Variants in CLMP observed in about 807,000 individuals in gnomAD.
The protein encoded by CLMP is CXADR-like membrane protein.
CLMP carries 27 observed loss-of-function variants against 45.2 expected under a neutral mutation model. The ratio of observed to expected loss-of-function variants is 0.60; its 90% CI spans 0.44 to 0.82. The LOEUF is 0.82. Among genes scored for constraint, CLMP ranks in the 40% least tolerant of loss-of-function variants. The pLI, the probability that CLMP is intolerant of heterozygous loss-of-function variation, is 0.00. For synonymous variants in CLMP, 167 were observed against 171.4 expected (o/e 0.97, Z 0.20); for missense variants, 403 against 448.4 (o/e 0.90, Z 0.91).
intron 1 of CLMP, among the ~76,000 whole-genome samples, chr11:123,155,947 C>A (rs74738208): frequency 0.011 from 1,610 of 152,272 alleles, 21 homozygotes; most frequent in African/African-American, 0.037. Context: ...TGCCAACAAC[C>A]AAAACCTGTA....
chr11:123,164,606 A>ATT (rs926259733), intron 1 of CLMP, among the ~76,000 whole-genome samples: 4 of 146,110 alleles, frequency 2.7e-5, no homozygotes, highest in African/African-American at 7.5e-5. Context: ...GCCTGGCTTG[A>ATT]TTTTTTTTTT....
chr11:123,119,562 C>A (rs762749781), intron 1 of CLMP, among the ~76,000 whole-genome samples: 1 of 152,126 alleles, frequency 6.6e-6, no homozygotes, highest in African/African-American at 2.4e-5. Context: ...TTTCGAATAA[C>A]GTAATGTAAG....
intron 1 of CLMP, among the ~76,000 whole-genome samples, chr11:123,150,481 A>AAGAAAG (rs1565397448): frequency 5.6e-5 from 5 of 89,582 alleles, no homozygotes; most frequent in Non-Finnish European, 1.2e-4. Flanking sequence ...GAAAGAAAGA[A>AAGAAAG]AGGAAGGAAG....
chr11:123,112,747 T>C (rs1284602004), intron 1 of CLMP, among the ~76,000 whole-genome samples: 1 of 151,626 alleles, frequency 6.6e-6, no homozygotes, highest in African/African-American at 2.4e-5. Flanking sequence ...GGTTCCAAGA[T>C]CTTGACAGGT....
intron 5 of CLMP, among the ~76,000 whole-genome samples, chr11:123,080,213 C>T (rs1865788905): frequency 6.6e-6 from 1 of 152,072 alleles, no homozygotes; most frequent in South Asian, 2.1e-4. Context: ...TCTAAGAAAG[C>T]AAACTGCAGT....
chr11:123,157,040 G>T (rs935129054), intron 1 of CLMP, among the ~76,000 whole-genome samples: 2 of 152,300 alleles, frequency 1.3e-5, no homozygotes, highest in South Asian at 2.1e-4. Context: ...GAGGTTAAAA[G>T]CTTGGGGCCA....
intron 1 of CLMP, among the ~76,000 whole-genome samples, chr11:123,180,281 G>C (rs750018828): frequency 6.6e-6 from 1 of 152,238 alleles, no homozygotes; most frequent in Non-Finnish European, 1.5e-5. Flanking sequence ...TCTAATGTGT[G>C]TGTTTCCCAC....
At chr11:123,108,264 TA>T (rs1245435296) in intron 1 of CLMP, among the ~76,000 whole-genome samples, 1 of 152,244 alleles carries the variant, frequency 6.6e-6, no homozygotes, top group Non-Finnish European at 1.5e-5. Context: ...TATGAGCTGC[TA>T]AATCCCTGAC....
chr11:123,170,132 C>A (rs754766973), intron 1 of CLMP, among the ~76,000 whole-genome samples: 4 of 152,112 alleles, frequency 2.6e-5, no homozygotes, highest in Admixed American at 6.5e-5. Flanking sequence ...AGACTTTTAA[C>A]CCCAAGAGAT....
chr11:123,167,257 T>C (rs1270326433), intron 1 of CLMP, among the ~76,000 whole-genome samples: 2 of 152,206 alleles, frequency 1.3e-5, no homozygotes, highest in African/African-American at 2.4e-5. Flanking sequence ...CTTGACACCA[T>C]CCAGTTAGAA....
At chr11:123,159,352 G>A (rs1861455368) in intron 1 of CLMP, among the ~76,000 whole-genome samples, 1 of 152,196 alleles carries the variant, frequency 6.6e-6, no homozygotes, top group South Asian at 2.1e-4. Context: ...CCGGCGATGG[G>A]GCAAGCCTGC....
intron 1 of CLMP, among the ~76,000 whole-genome samples, chr11:123,129,132 C>A (rs1167612892): frequency 6.6e-6 from 1 of 151,786 alleles, no homozygotes; most frequent in African/African-American, 2.4e-5. Context: ...ACCACGCTGG[C>A]CAACATGGTG....
intron 1 of CLMP, among the ~76,000 whole-genome samples, chr11:123,115,722 G>C (rs1464788491): frequency 6.6e-6 from 1 of 152,176 alleles, no homozygotes; most frequent in African/African-American, 2.4e-5. Flanking sequence ...TTACTTGGGT[G>C]TGACCATTTC....
At chr11:123,186,282 T>C (rs1364636199) in intron 1 of CLMP, among the ~76,000 whole-genome samples, 1 of 152,194 alleles carries the variant, frequency 6.6e-6, no homozygotes, top group Non-Finnish European at 1.5e-5. Flanking sequence ...ACTTGCTCAG[T>C]TAAACATTAC....
At chr11:123,082,602 G>T (rs1865818439) in intron 5 of CLMP, among the ~76,000 whole-genome samples, 1 of 141,348 alleles carries the variant, frequency 7.1e-6, no homozygotes, top group African/African-American at 2.6e-5. Context: ...CGCTGGGCTG[G>T]TTTTTTTTGT....
intron 5 of CLMP, among the ~76,000 whole-genome samples, chr11:123,080,223 T>A (rs1865788997): frequency 6.6e-6 from 1 of 152,178 alleles, no homozygotes; most frequent in Non-Finnish European, 1.5e-5. Context: ...CAAACTGCAG[T>A]GCTTTTGCAG....
At chr11:123,162,054 C>T (rs1861494571) in intron 1 of CLMP, among the ~76,000 whole-genome samples, 2 of 152,170 alleles carry the variant, frequency 1.3e-5, no homozygotes, top group African/African-American at 4.8e-5. Context: ...AGAACATGGC[C>T]CCAACCTGAA....
intron 1 of CLMP, among the ~76,000 whole-genome samples, chr11:123,126,383 A>G: frequency 6.6e-6 from 1 of 152,240 alleles, no homozygotes; most frequent in East Asian, 1.9e-4. Flanking sequence ...AATATTAAGT[A>G]ATGTATTAAT....
intron 2 of CLMP, among the ~76,000 whole-genome samples, chr11:123,091,131 GTT>G (rs1865928007): frequency 6.6e-6 from 1 of 151,874 alleles, no homozygotes; most frequent in South Asian, 2.1e-4. Context: ...TTGAGACAGA[GTT>G]TCATTCTGTC....
Sources: gnomAD v4.1 joint callset for allele counts (sites outside exome capture counted in the v4.1 genomes callset) on GRCh38, gnomAD v4.1.1 for gene constraint, MANE v1.5 for transcripts, NCBI Gene and HGNC (gene_info 2026-07-23, HGNC 2026-07-21) for gene names.